Variants in ATXN8OS observed in about 807,000 individuals in gnomAD.
ATXN8OS encodes the protein ATXN8 opposite strand (non-protein coding).
chr13:70,158,182 G>A (rs1228622830), intron 4 of ATXN8OS, among the ~76,000 whole-genome samples: 1 of 152,156 alleles, frequency 6.6e-6, no homozygotes, highest in Non-Finnish European at 1.5e-5. Flanking sequence ...CACTTTGGGA[G>A]GCCGAGGCAG....
At chr13:70,157,124 G>A (rs1437427289) in intron 4 of ATXN8OS, among the ~76,000 whole-genome samples, 1 of 132,276 alleles carries the variant, frequency 7.6e-6, no homozygotes, top group Non-Finnish European at 1.6e-5. Context: ...TTTTCATACC[G>A]ATTTTTTGAT....
intron 4 of ATXN8OS, among the ~76,000 whole-genome samples, chr13:70,154,478 A>C (rs1426928424): frequency 2.6e-5 from 4 of 152,178 alleles, no homozygotes; most frequent in Non-Finnish European, 5.9e-5. Context: ...ATTGTGGAAT[A>C]ATAAAGTGCT....
intron 3 of ATXN8OS, among the ~76,000 whole-genome samples, chr13:70,144,234 C>A (rs1254068559): frequency 6.6e-6 from 1 of 152,060 alleles, no homozygotes; most frequent in Non-Finnish European, 1.5e-5. Flanking sequence ...TTATTAAGTA[C>A]AATTTTCTCC....
intron 4 of ATXN8OS, among the ~76,000 whole-genome samples, chr13:70,164,918 G>A (rs1439869899): frequency 2.0e-5 from 3 of 151,770 alleles, no homozygotes; most frequent in East Asian, 3.9e-4. Context: ...ATAGGAAAAA[G>A]GAAAATAATA....
chr13:70,107,688 A>G, upstream of ATXN8OS: 2 of 1,526,948 alleles, frequency 1.3e-6, no homozygotes, highest in South Asian at 1.3e-5. Flanking sequence ...CTTTTCGCCC[A>G]GAGCCTGACA....
chr13:70,148,237 T>A (rs950462476), intron 4 of ATXN8OS, among the ~76,000 whole-genome samples: 10 of 152,162 alleles, frequency 6.6e-5, no homozygotes, highest in Non-Finnish European at 1.5e-4. Context: ...CTACAGAGTA[T>A]AAAATTTCCC....
At chr13:70,136,008 T>C (rs549679773) in intron 3 of ATXN8OS, among the ~76,000 whole-genome samples, 2 of 152,326 alleles carry the variant, frequency 1.3e-5, no homozygotes, top group South Asian at 4.1e-4. Flanking sequence ...AGAGTTCTGC[T>C]GAACAGTGTG....
intron 4 of ATXN8OS, among the ~76,000 whole-genome samples, chr13:70,153,877 C>T (rs1289927859): frequency 6.6e-6 from 1 of 151,962 alleles, no homozygotes; most frequent in African/African-American, 2.4e-5. Context: ...TGTAGAGACA[C>T]GGTTTTGCCA....
intron 1 of ATXN8OS, among the ~76,000 whole-genome samples, chr13:70,108,886 T>G (rs1888151040): frequency 6.6e-6 from 1 of 152,182 alleles, no homozygotes; most frequent in South Asian, 2.1e-4. Flanking sequence ...TCCTGACACT[T>G]ACATTGTGAT....
At chr13:70,139,221 T>G (rs1015203584) in intron 3 of ATXN8OS, 5 of 449,090 alleles carry the variant, frequency 1.1e-5, no homozygotes, top group Admixed American at 3.8e-5. Flanking sequence ...TACTATTTCC[T>G]CATTTGTCCT....
chr13:70,159,922 T>C (rs1051646661), intron 4 of ATXN8OS, among the ~76,000 whole-genome samples: 3 of 152,222 alleles, frequency 2.0e-5, no homozygotes, highest in African/African-American at 7.2e-5. Flanking sequence ...TGTTTGTCCA[T>C]TCATCGATTG....
exon 5 of ATXN8OS, among the ~76,000 whole-genome samples, chr13:70,170,242 G>T (rs1233242925): frequency 2.0e-5 from 3 of 151,986 alleles, no homozygotes; most frequent in Non-Finnish European, 4.4e-5. Context: ...GATCTCAGAT[G>T]CCATTCTGAA....
intron 3 of ATXN8OS, chr13:70,131,337 A>T: frequency 2.5e-6 from 1 of 398,484 alleles, no homozygotes; most frequent in Non-Finnish European, 4.4e-6. Context: ...TCCATAAATC[A>T]GTTTTTTCCT....
chr13:70,130,690 G>T (rs897239510), intron 3 of ATXN8OS: 5 of 398,344 alleles, frequency 1.3e-5, no homozygotes, highest in Non-Finnish European at 2.2e-5. Context: ...TCAAACTTCA[G>T]AGAGAGAGGG....
chr13:70,144,387 G>T lies in ATXN8OS; in HGVS notation n.500-2968G>T, dbSNP rs1888754768. The stretch of plus-strand genomic sequence containing the variant: ...ATTTTACATATATCACCTGTTTTTT[G>T]TCCTAGTAACCTAGTTGAGTAATTA... On this transcript the variant is annotated intron_variant and non_coding_transcript_variant, in intron 3 of 4. Coordinates refer to ENST00000678624, the Ensembl canonical transcript of ATXN8OS. Among the ~76,000 whole-genome samples the T allele has an allele frequency of 2.0e-5, 3 of 151,768 alleles. 1 individual carries two copies. In the South Asian group the frequency reaches 6.2e-4, roughly 32 times the overall value.
intron 4 of ATXN8OS, among the ~76,000 whole-genome samples, chr13:70,150,492 A>G (rs1888852174): frequency 6.6e-6 from 1 of 152,086 alleles, no homozygotes; most frequent in Admixed American, 6.6e-5. Context: ...ATAGTTTTCT[A>G]TGTGTAAGGT....
At chr13:70,149,945 A>T (rs552950770) in intron 4 of ATXN8OS, among the ~76,000 whole-genome samples, 5 of 152,262 alleles carry the variant, frequency 3.3e-5, no homozygotes, top group Non-Finnish European at 5.9e-5. Context: ...AGAGGAAGTG[A>T]GGAAGGAAGA....
chr13:70,158,074 G>A (rs1200402934), intron 4 of ATXN8OS, among the ~76,000 whole-genome samples: 2 of 152,150 alleles, frequency 1.3e-5, no homozygotes, highest in South Asian at 2.1e-4. Context: ...GAGATTGTGT[G>A]TAAAGCCGCT....
At chr13:70,166,169 G>A in intron 4 of ATXN8OS, among the ~76,000 whole-genome samples, 1 of 151,398 alleles carries the variant, frequency 6.6e-6, no homozygotes, top group East Asian at 1.9e-4. Context: ...ATTTAAAATA[G>A]TAGTTCATAT....
Sources: allele counts gnomAD v4.1 joint callset (sites outside exome capture counted in the v4.1 genomes callset), GRCh38; gene constraint gnomAD v4.1.1; transcripts MANE v1.5; gene names NCBI Gene and HGNC (gene_info 2026-07-23, HGNC 2026-07-21).